CYTIP: variants seen among roughly 807,000 people sequenced by gnomAD.
CYTIP encodes cytohesin 1 interacting protein, also known as cytohesin-interacting protein.
A neutral mutation model predicts 43.8 loss-of-function variants in CYTIP; 26 were observed. The ratio of observed to expected loss-of-function variants is 0.59; its 90% CI spans 0.44 to 0.82. The LOEUF is 0.82. CYTIP is among the 40% of genes least tolerant of loss of function. The probability of loss-of-function intolerance (pLI) is 0.00; values close to 1 mark genes in which losing one functional copy is unlikely to be tolerated. For synonymous variants in CYTIP, 162 were observed against 162.9 expected (o/e 0.99, Z 0.04); for missense variants, 426 against 443.1 (o/e 0.96, Z 0.35).
chr2:157,433,415 T>A (rs1465260302), intron 3 of CYTIP, among the ~76,000 whole-genome samples: 1 of 152,208 alleles, frequency 6.6e-6, no homozygotes, highest in Non-Finnish European at 1.5e-5. Flanking sequence ...TCATAAAACA[T>A]GTTTTTCTTA....
rs1685413047 is a variant in CYTIP, at chr2:157,414,788, C to T, written c.*889G>A. The T allele has an allele frequency of 6.6e-6, 1 of 151,732 alleles. No individual in the cohort carries two copies. Among genetic ancestry groups the T allele is most frequent in the Non-Finnish European group, 1.5e-5 (1 of 67,952 alleles). 9.4% of individuals were successfully genotyped at this position (151,732 alleles called of 1,614,324 possible). The stretch of plus-strand genomic sequence containing the variant: ...ATGTGATACTAACATAACCAATAGG[C>T]AAAAGACTGCTGAGGTGATAGCTAT... On this transcript the variant is annotated 3_prime_UTR_variant, in exon 8 of 8. Coordinates refer to ENST00000264192, the MANE Select transcript of CYTIP (RefSeq NM_004288.5).
chr2:157,435,519 A>T (rs545564520), intron 1 of CYTIP, among the ~76,000 whole-genome samples: 2 of 152,306 alleles, frequency 1.3e-5, no homozygotes, highest in African/African-American at 4.8e-5. Flanking sequence ...AGATCATATA[A>T]ACATAAGCTT....
chr2:157,429,880 G>A (rs1268639379), intron 5 of CYTIP, among the ~76,000 whole-genome samples: 4 of 151,924 alleles, frequency 2.6e-5, no homozygotes, highest in Admixed American at 6.6e-5. Context: ...AAAATTAGCC[G>A]GGCATGGTGG....
At chr2:157,424,698 G>A (rs1230234572) in intron 6 of CYTIP, among the ~76,000 whole-genome samples, 4 of 151,894 alleles carry the variant, frequency 2.6e-5, no homozygotes, top group Non-Finnish European at 2.9e-5. Flanking sequence ...TCCAAAAATA[G>A]ATAAATAAAA....
rs781338908 is a variant in CYTIP, at chr2:157,415,702, A to G, written c.1055T>C (p.Val352Ala). The G allele has an allele frequency of 2.5e-6, 4 of 1,612,068 alleles. No homozygotes were observed. The highest frequency in any genetic ancestry group is 2.5e-6 in the Non-Finnish European group (3 of 1,178,614). ...TCAAAAGCGACTTTCTTCCTCTTCC[A>G]CAGCACGATGAAGGCCAGGGATAAA... is the stretch of plus-strand genomic sequence containing the variant. The part of the protein sequence containing the change: ...LKFIPGLHRA[V>A]EEEESRF Residue 352 changes from valine to alanine, a missense_variant, in exon 8 of 8, where the codon GTG (valine) becomes GCG (alanine). Physicochemically the swap from Val to Ala is moderately conservative, Grantham distance 64. Transcript: ENST00000264192.
intron 6 of CYTIP, among the ~76,000 whole-genome samples, chr2:157,424,794 T>C (rs1483888779): frequency 1.3e-5 from 2 of 152,184 alleles, no homozygotes; most frequent in East Asian, 3.8e-4. Context: ...CAAGAATAAC[T>C]GTGCCCAATG....
chr2:157,436,496 A>T (rs1685808683), intron 1 of CYTIP, among the ~76,000 whole-genome samples: 1 of 151,916 alleles, frequency 6.6e-6, no homozygotes, highest in African/African-American at 2.4e-5. Flanking sequence ...AGTTTCTTAT[A>T]CCTCTATAAA....
chr2:157,432,382 A>G (rs1370951662), intron 3 of CYTIP, among the ~76,000 whole-genome samples: 1 of 152,214 alleles, frequency 6.6e-6, no homozygotes, highest in Non-Finnish European at 1.5e-5. Flanking sequence ...TCTAGCTCCC[A>G]TTAAGGGATC....
At chr2:157,439,651 C>T (rs1685872812) in intron 1 of CYTIP, among the ~76,000 whole-genome samples, 1 of 152,144 alleles carries the variant, frequency 6.6e-6, no homozygotes, top group African/African-American at 2.4e-5. Context: ...CAACAGCTGT[C>T]TTTTATTACA....
chr2:157,416,117 C>T lies in CYTIP; in HGVS notation c.640G>A (p.Glu214Lys), dbSNP rs1213801186. ...HGDAANCPSL[E>K]NMDLDELSLF... is the part of the protein sequence containing the mutation. ...GACAATTCATCCAAGTCCATGTTTTCCAAACTGGGGCAATTAGCTGCATCA... is the reference window on the plus strand; with the variant it reads ...GACAATTCATCCAAGTCCATGTTTTTCAAACTGGGGCAATTAGCTGCATCA... Residue 214 changes from glutamate to lysine, a missense_variant, in exon 8 of 8, where the codon GAA (glutamate) becomes AAA (lysine). By Grantham distance (56) the Glu-to-Lys change is moderately conservative. Coordinates refer to ENST00000264192, the MANE Select transcript of CYTIP (RefSeq NM_004288.5). 1 of 1,612,152 alleles carries T rather than the reference C, an allele frequency of 6.2e-7. No homozygotes were observed. Among genetic ancestry groups the T allele is most frequent in the South Asian group, 1.1e-5 (1 of 90,872 alleles).
intron 6 of CYTIP, among the ~76,000 whole-genome samples, chr2:157,423,294 G>A (rs1339678843): frequency 1.3e-5 from 2 of 151,224 alleles, no homozygotes; most frequent in Non-Finnish European, 2.9e-5. Context: ...TAGAGAAAGA[G>A]TTATCAAGAA....
chr2:157,424,954 C>A (rs1685580651), intron 6 of CYTIP, among the ~76,000 whole-genome samples: 1 of 151,448 alleles, frequency 6.6e-6, no homozygotes, highest in Non-Finnish European at 1.5e-5. Context: ...AGGGGGACTA[C>A]AAAATAAATG....
At chr2:157,441,339 T>G (rs1274216580) in intron 1 of CYTIP, among the ~76,000 whole-genome samples, 1 of 152,180 alleles carries the variant, frequency 6.6e-6, no homozygotes. Context: ...TGTGAAATGT[T>G]GGGATAAACT....
intron 3 of CYTIP, chr2:157,434,034 T>C (rs541732663): frequency 6.4e-6 from 2 of 313,280 alleles, no homozygotes; most frequent in Admixed American, 4.8e-5. Flanking sequence ...CACATGCAAA[T>C]ATATCAAGTA....
chr2:157,430,291 TA>T (rs533772245), intron 5 of CYTIP, among the ~76,000 whole-genome samples: 2 of 152,094 alleles, frequency 1.3e-5, no homozygotes, highest in Non-Finnish European at 1.5e-5. Flanking sequence ...AATTTGACAT[TA>T]AAAAAATACA....
intron 7 of CYTIP, 105 bp downstream of exon 7, chr2:157,418,418 T>A: frequency 8.6e-7 from 1 of 1,167,248 alleles, no homozygotes; most frequent in Non-Finnish European, 1.2e-6. Context: ...TGACCAGCAC[T>A]AGACAAATTT....
intron 6 of CYTIP, among the ~76,000 whole-genome samples, chr2:157,425,037 A>G (rs986469769): frequency 1.3e-5 from 2 of 152,196 alleles, no homozygotes; most frequent in African/African-American, 4.8e-5. Context: ...TAATATATAT[A>G]AAAATTTATT....
intron 6 of CYTIP, among the ~76,000 whole-genome samples, chr2:157,425,723 G>A (rs541734424): frequency 1.3e-5 from 2 of 152,046 alleles, no homozygotes; most frequent in Non-Finnish European, 2.9e-5. Context: ...CTAAGAAAAG[G>A]TGAAAAAGTT....
At chr2:157,425,267 T>A (rs1200680059) in intron 6 of CYTIP, among the ~76,000 whole-genome samples, 1 of 152,172 alleles carries the variant, frequency 6.6e-6, no homozygotes, top group Non-Finnish European at 1.5e-5. Context: ...AAAACATTTT[T>A]ACACAAAAAT....
Sources: allele counts gnomAD v4.1 joint callset (sites outside exome capture counted in the v4.1 genomes callset), GRCh38; gene constraint gnomAD v4.1.1; transcripts MANE v1.5; gene names NCBI Gene and HGNC (gene_info 2026-07-23, HGNC 2026-07-21).